The following CTNNA3 variants were observed in gnomAD, a reference collection of about 807,000 sequenced individuals.
The protein encoded by CTNNA3 is catenin alpha 3, also known as catenin alpha-3.
CTNNA3 carries 76 observed loss-of-function variants against 95.7 expected under a neutral mutation model. That is an observed-to-expected ratio of 0.79 (90% CI 0.66 to 0.96). The LOEUF (loss-of-function observed/expected upper bound fraction) is 0.96. Among genes scored for constraint, CTNNA3 ranks in the 40% least tolerant of loss-of-function variants. The probability of loss-of-function intolerance (pLI) is 0.00; values close to 1 mark genes in which losing one functional copy is unlikely to be tolerated. For synonymous variants in CTNNA3, 431 were observed against 374.4 expected (o/e 1.15, Z -1.74); for missense variants, 1,191 against 1,089.8 (o/e 1.09, Z -1.31).
intron 10 of CTNNA3, among the ~76,000 whole-genome samples, chr10:66,579,640 G>A (rs1033186604): frequency 1.3e-5 from 2 of 151,694 alleles, no homozygotes; most frequent in East Asian, 3.9e-4. Context: ...CTTCAACCAA[G>A]ATAGTCATTC....
intron 5 of CTNNA3, among the ~76,000 whole-genome samples, chr10:67,420,966 A>G (rs1028957487): frequency 1.3e-5 from 2 of 152,168 alleles, no homozygotes; most frequent in African/African-American, 4.8e-5. Flanking sequence ...TAATAAAATA[A>G]TGAGTATGCC....
At chr10:65,982,772 A>G (rs1246424247) in intron 16 of CTNNA3, among the ~76,000 whole-genome samples, 2 of 151,190 alleles carry the variant, frequency 1.3e-5, no homozygotes, top group African/African-American at 4.8e-5. Flanking sequence ...TTGAAAAAAA[A>G]AATTAAAAAA....
At position 66,558,837 on chromosome 10, in the gene CTNNA3, A is replaced by G. The variant is rs181292003; in HGVS notation, c.1375-38064T>C. ...AGAAAACATCCAATTTCACATTCAC[A>G]GTTTTAATTAGTATCTATTCAAATC... On this transcript the variant is annotated intron_variant, in intron 10 of 17. Coordinates refer to ENST00000433211, the MANE Select transcript of CTNNA3 (RefSeq NM_013266.4). 1.4e-3 allele frequency among the ~76,000 whole-genome samples: 213 copies of G among 152,282 alleles called. 2 individuals carry two copies. The highest frequency in any genetic ancestry group is 1.8e-3 in the Non-Finnish European group (123 of 68,012).
At chr10:66,423,100 G>T (rs543696187) in intron 11 of CTNNA3, among the ~76,000 whole-genome samples, 2 of 152,024 alleles carry the variant, frequency 1.3e-5, no homozygotes, top group South Asian at 4.2e-4. Context: ...AAAATCTAGG[G>T]CTACTAGGCT....
intron 8 of CTNNA3, among the ~76,000 whole-genome samples, chr10:66,774,816 T>A (rs1840229596): frequency 6.6e-6 from 1 of 152,198 alleles, no homozygotes; most frequent in Admixed American, 6.5e-5. Flanking sequence ...TCTGGAAAAA[T>A]GTTTAACTTG....
chr10:67,397,265 G>C (rs1436031522), intron 5 of CTNNA3, among the ~76,000 whole-genome samples: 3 of 152,170 alleles, frequency 2.0e-5, no homozygotes, highest in Admixed American at 6.5e-5. Flanking sequence ...CTAGAGATTT[G>C]TTGAACAGCT....
chr10:66,519,981 A>T (rs976120551), intron 11 of CTNNA3, among the ~76,000 whole-genome samples: 1 of 152,128 alleles, frequency 6.6e-6, no homozygotes, highest in African/African-American at 2.4e-5. Context: ...GCGCAGGGAA[A>T]TCAGGATTTA....
intron 7 of CTNNA3, among the ~76,000 whole-genome samples, chr10:66,862,069 G>T (rs1030576185): frequency 5.9e-5 from 9 of 152,038 alleles, no homozygotes; most frequent in Non-Finnish European, 4.4e-5. Context: ...ACAAAAATTA[G>T]CCAGGTGTGG....
chr10:66,320,186 T>C (rs1005848410), intron 12 of CTNNA3, among the ~76,000 whole-genome samples: 2 of 152,072 alleles, frequency 1.3e-5, no homozygotes, highest in African/African-American at 2.4e-5. Flanking sequence ...TTTTGAATAT[T>C]CTTTCTTTTG....
intron 3 of CTNNA3, among the ~76,000 whole-genome samples, chr10:67,574,251 G>A (rs992211461): frequency 1.3e-5 from 2 of 151,972 alleles, no homozygotes; most frequent in African/African-American, 2.4e-5. Context: ...ACTTTAAGTC[G>A]TATGCTTATA....
chr10:66,561,783 A>G (rs1490716740), intron 10 of CTNNA3, among the ~76,000 whole-genome samples: 1 of 152,078 alleles, frequency 6.6e-6, no homozygotes, highest in Non-Finnish European at 1.5e-5. Flanking sequence ...CATGAGAGTG[A>G]CCATAGGATT....
At chr10:67,651,686 A>G (rs1025720214) in intron 1 of CTNNA3, among the ~76,000 whole-genome samples, 13 of 152,328 alleles carry the variant, frequency 8.5e-5, no homozygotes, top group Admixed American at 7.8e-4. Flanking sequence ...TCAAAAATAT[A>G]GATATATCAT....
chr10:66,197,369 T>TCTAA (rs1370165157), intron 13 of CTNNA3, among the ~76,000 whole-genome samples: 1 of 151,914 alleles, frequency 6.6e-6, no homozygotes, highest in Non-Finnish European at 1.5e-5. Context: ...TATCTATCTA[T>TCTAA]CTATCTATCT....
intron 11 of CTNNA3, among the ~76,000 whole-genome samples, chr10:66,514,382 A>G (rs76357804): frequency 0.019 from 2,832 of 152,236 alleles, 60 homozygotes; most frequent in East Asian, 0.083. Context: ...AATATGGGGG[A>G]AAAGTGAACA....
chr10:66,220,618 C>G (rs939085465), intron 13 of CTNNA3, among the ~76,000 whole-genome samples: 1 of 152,144 alleles, frequency 6.6e-6, no homozygotes, highest in Non-Finnish European at 1.5e-5. Flanking sequence ...AAGAATCAGG[C>G]CGCACAAACG....
rs77409659 is a variant in CTNNA3 at position 67,219,590 on chromosome 10, T to C, written c.843+17A>G. ...TATTAGGACATCAGATCACACTTTA[T>C]CTTTCTCCCGACTTACCTCCAGCTC... On this transcript the variant is annotated intron_variant, in intron 6 of 17. Coordinates refer to ENST00000433211, the MANE Select transcript of CTNNA3 (RefSeq NM_013266.4). 8,650 of 1,605,286 alleles carry C rather than the reference T, an allele frequency of 5.4e-3. 314 individuals are homozygous for C. The African/African-American group carries it at 0.087, about 16-fold the overall frequency.
intron 15 of CTNNA3, among the ~76,000 whole-genome samples, chr10:66,050,938 G>A (rs72793422): frequency 0.052 from 7,856 of 151,988 alleles, 264 homozygotes; most frequent in East Asian, 0.19. Context: ...ACTGCAGCCT[G>A]GAACTTCTGG....
At chr10:67,178,080 T>C (rs1334954437) in intron 7 of CTNNA3, among the ~76,000 whole-genome samples, 1 of 152,112 alleles carries the variant, frequency 6.6e-6, no homozygotes, top group Non-Finnish European at 1.5e-5. Flanking sequence ...TCTTGGCTCA[T>C]ATGCAGTCCT....
intron 7 of CTNNA3, among the ~76,000 whole-genome samples, chr10:66,829,501 T>C (rs952893437): frequency 5.3e-5 from 8 of 151,520 alleles, no homozygotes; most frequent in Non-Finnish European, 1.2e-4. Flanking sequence ...TAATCCCAGC[T>C]ACTGTGGAGG....
Sources: gnomAD v4.1 joint callset for allele counts (sites outside exome capture counted in the v4.1 genomes callset) on GRCh38, gnomAD v4.1.1 for gene constraint, MANE v1.5 for transcripts, NCBI Gene and HGNC (gene_info 2026-07-23, HGNC 2026-07-21) for gene names.